AP2B1: variants seen among roughly 807,000 people sequenced by gnomAD.
The protein encoded by AP2B1 is adaptor related protein complex 2 subunit beta 1.
In AP2B1, 23 loss-of-function variants were observed where a neutral mutation model predicts 102.0. The observed-to-expected ratio is 0.23, with a 90% CI of 0.16 to 0.32. AP2B1 has a LOEUF of 0.32. Among genes scored for constraint, AP2B1 ranks in the 10% least tolerant of loss-of-function variants. AP2B1 has a pLI of 1.00. For synonymous variants in AP2B1, 381 were observed against 421.2 expected (o/e 0.90, Z 1.17); for missense variants, 541 against 1,157.4 (o/e 0.47, Z 7.73).
chr17:35,686,783 T>C (rs1169102182), intron 18 of AP2B1, among the ~76,000 whole-genome samples: 1 of 151,936 alleles, frequency 6.6e-6, no homozygotes, highest in Non-Finnish European at 1.5e-5. Context: ...GCTAACACGG[T>C]GAAACCCCGT....
chr17:35,680,700 G>GTTT (rs1176447688), intron 17 of AP2B1, among the ~76,000 whole-genome samples: 5 of 128,916 alleles, frequency 3.9e-5, no homozygotes, highest in Non-Finnish European at 6.5e-5. Flanking sequence ...TTTTTTTTTT[G>GTTT]TTTTTTTTTT....
chr17:35,719,205 ATAAAC>A (rs1224978636), intron 21 of AP2B1, among the ~76,000 whole-genome samples: 8 of 152,314 alleles, frequency 5.3e-5, no homozygotes, highest in African/African-American at 1.7e-4. Context: ...GTACAATATA[ATAAAC>A]TAAACTATAG....
At chr17:35,601,184 AT>A in intron 3 of AP2B1, 1 of 158,744 alleles carries the variant, frequency 6.3e-6, no homozygotes, top group Non-Finnish European at 1.4e-5. Context: ...ATTTCCACAA[AT>A]TTTTTATTGA....
chr17:35,591,171 C>CAAAAAAA (rs35271211), intron 1 of AP2B1, among the ~76,000 whole-genome samples: 1 of 68,934 alleles, frequency 1.5e-5, no homozygotes, highest in Non-Finnish European at 3.0e-5. Flanking sequence ...GATTTTGTCT[C>CAAAAAAA]AAAAAAAAAA....
chr17:35,635,669 T>A (rs929377047), intron 9 of AP2B1, among the ~76,000 whole-genome samples: 4 of 152,130 alleles, frequency 2.6e-5, no homozygotes, highest in Non-Finnish European at 5.9e-5. Flanking sequence ...ATTACAGTCA[T>A]GAGCCACAGT....
intron 20 of AP2B1, among the ~76,000 whole-genome samples, chr17:35,714,901 A>G (rs2076522722): frequency 6.6e-6 from 1 of 152,170 alleles, no homozygotes; most frequent in Non-Finnish European, 1.5e-5. Flanking sequence ...CACAACTATA[A>G]GATTCCGTCC....
At chr17:35,687,992 A>C (rs1012991530) in intron 18 of AP2B1, among the ~76,000 whole-genome samples, 3 of 152,178 alleles carry the variant, frequency 2.0e-5, no homozygotes, top group Non-Finnish European at 4.4e-5. Flanking sequence ...TTCAATCCCA[A>C]ATTCCATTGA....
rs570194657 is a variant in AP2B1, at chr17:35,619,605, C to T, written c.526-4792C>T. Among the ~76,000 whole-genome samples the T allele has an allele frequency of 7.7e-4, 117 of 152,140 alleles. 1 individual carries two copies. The highest frequency in any genetic ancestry group is 2.8e-3 in the African/African-American group (115 of 41,502). ...GATTGAGTATGATTTTACACATCTA[C>T]ATGTGCTGCTTTTATATATATGTTT... On this transcript the variant is annotated intron_variant, in intron 5 of 21. Coordinates refer to ENST00000610402, the MANE Select transcript of AP2B1 (RefSeq NM_001030006.2).
chr17:35,647,151 C>G (rs225278), intron 12 of AP2B1, among the ~76,000 whole-genome samples: 1 of 152,148 alleles, frequency 6.6e-6, no homozygotes, highest in Non-Finnish European at 1.5e-5. Context: ...GTACATGTGC[C>G]TTAAGGACTG....
At chr17:35,621,372 G>T (rs2074172413) in intron 5 of AP2B1, 2 of 981,624 alleles carry the variant, frequency 2.0e-6, no homozygotes, top group Non-Finnish European at 2.4e-6. Flanking sequence ...TGGTGAGCCT[G>T]CCTCAGTATG....
At chr17:35,669,220 C>A (rs754305175) in intron 14 of AP2B1, among the ~76,000 whole-genome samples, 1 of 151,234 alleles carries the variant, frequency 6.6e-6, no homozygotes, top group Admixed American at 6.6e-5. Flanking sequence ...CTCAGCTCAC[C>A]GCAACCTCCG....
intron 14 of AP2B1, among the ~76,000 whole-genome samples, chr17:35,669,865 T>C (rs967819183): frequency 6.6e-6 from 1 of 152,198 alleles, no homozygotes; most frequent in African/African-American, 2.4e-5. Context: ...AGGAAGTGTT[T>C]TAGATGCACA....
chr17:35,712,685 A>G (rs2076476431), intron 20 of AP2B1, among the ~76,000 whole-genome samples: 1 of 152,228 alleles, frequency 6.6e-6, no homozygotes, highest in East Asian at 1.9e-4. Flanking sequence ...GTTATCCATG[A>G]AAGTTGAAAA....
chr17:35,626,169 C>A (rs2074309194), intron 6 of AP2B1, among the ~76,000 whole-genome samples: 1 of 152,174 alleles, frequency 6.6e-6, no homozygotes, highest in Non-Finnish European at 1.5e-5. Context: ...CTGTATCTTA[C>A]AATGAAATCT....
chr17:35,656,692 G>A lies in AP2B1; in HGVS notation c.1797-907G>A, dbSNP rs144491485. Among the ~76,000 whole-genome samples the A allele has an allele frequency of 8.5e-3, 1,290 of 152,046 alleles. 11 individuals are homozygous for A. Among genetic ancestry groups the A allele is most frequent in the African/African-American group, 0.026 (1,063 of 41,450 alleles). ...GGGCGGATCACAAGGTCAGGAGATC[G>A]AGACCACGGTGATACCCCGTCTCTA... On this transcript the variant is annotated intron_variant, in intron 13 of 21. Transcript: ENST00000610402.
At position 35,642,253 on chromosome 17, in the gene AP2B1, G is replaced by A. The variant is rs528800706; in HGVS notation, c.1536+278G>A. Among the ~76,000 whole-genome samples, 3 of 152,284 alleles carry A rather than the reference G, an allele frequency of 2.0e-5. No homozygotes were observed. The East Asian group carries it at 5.8e-4, about 29-fold the overall frequency. On this transcript the variant is annotated intron_variant, in intron 12 of 21. Coordinates refer to ENST00000610402, the MANE Select transcript of AP2B1 (RefSeq NM_001030006.2). ...GTGAAGGACATACTTAGATGAAAAT[G>A]ACGTGATCTGATAGTACCTGCTTCA...
At chr17:35,704,705 C>A (rs940490548) in intron 18 of AP2B1, among the ~76,000 whole-genome samples, 1 of 152,042 alleles carries the variant, frequency 6.6e-6, no homozygotes, top group African/African-American at 2.4e-5. Context: ...CCAGACAGTG[C>A]TAAGCTTAAG....
At chr17:35,588,066 CTTT>C (rs11312845) in intron 1 of AP2B1, among the ~76,000 whole-genome samples, 2 of 144,918 alleles carry the variant, frequency 1.4e-5, no homozygotes, top group Admixed American at 1.4e-4. Flanking sequence ...AACCCAGCAT[CTTT>C]TTTTTTTTTT....
chr17:35,642,005 A>G (rs1434074969), intron 12 of AP2B1, 30 bp downstream of exon 12: 6 of 1,525,978 alleles, frequency 3.9e-6, no homozygotes, highest in Non-Finnish European at 3.6e-6. Context: ...CAAGATGTTG[A>G]TTTGTCTTGT....
Sources: gnomAD v4.1 joint callset for allele counts (sites outside exome capture counted in the v4.1 genomes callset) on GRCh38, gnomAD v4.1.1 for gene constraint, MANE v1.5 for transcripts, NCBI Gene and HGNC (gene_info 2026-07-23, HGNC 2026-07-21) for gene names.